Variants in METTL15 observed in about 807,000 individuals in gnomAD.
The protein encoded by METTL15 is 12S rRNA N(4)-cytidine methyltransferase METTL15.
METTL15 carries 34 observed loss-of-function variants against 38.3 expected under a neutral mutation model. That is an observed-to-expected ratio of 0.89 (90% CI 0.68 to 1.18). The LOEUF is 1.18. METTL15 is among the 50% of genes most tolerant of loss of function. METTL15 has a pLI of 0.00. For synonymous variants in METTL15, 162 were observed against 170.9 expected (o/e 0.95, Z 0.41); for missense variants, 438 against 498.4 (o/e 0.88, Z 1.15).
chr11:28,420,648 A>G (rs2133420791), intron 5 of METTL15, among the ~76,000 whole-genome samples: 1 of 152,256 alleles, frequency 6.6e-6, no homozygotes, highest in East Asian at 1.9e-4. Flanking sequence ...TAATAAGAAA[A>G]CTGAAAATTT....
At chr11:28,396,563 A>G (rs571113763) in intron 5 of METTL15, among the ~76,000 whole-genome samples, 1 of 152,328 alleles carries the variant, frequency 6.6e-6, no homozygotes, top group East Asian at 1.9e-4. Flanking sequence ...AAGGAGAACT[A>G]CAAACCACTG....
At chr11:28,111,082 T>A (rs958680239) in intron 2 of METTL15, among the ~76,000 whole-genome samples, 1 of 152,132 alleles carries the variant, frequency 6.6e-6, no homozygotes, top group African/African-American at 2.4e-5. Context: ...TCCATTTTTT[T>A]AGGGAGGTAT....
chr11:28,467,328 G>A (rs1015921822), intron 6 of METTL15, among the ~76,000 whole-genome samples: 3 of 152,110 alleles, frequency 2.0e-5, no homozygotes, highest in African/African-American at 4.8e-5. Flanking sequence ...TTTATTCTCA[G>A]CCTAAACAAG....
intron 3 of METTL15, among the ~76,000 whole-genome samples, chr11:28,144,067 T>C (rs1427346808): frequency 1.3e-5 from 2 of 152,186 alleles, no homozygotes; most frequent in Middle Eastern, 3.2e-3. Flanking sequence ...CAATAGACTC[T>C]AACCTCTGGG....
At chr11:28,351,260 C>T (rs779126400) in intron 3 of METTL15, among the ~76,000 whole-genome samples, 6 of 151,992 alleles carry the variant, frequency 3.9e-5, no homozygotes, top group South Asian at 2.1e-4. Context: ...TACAGGCACG[C>T]GCCACCATGC....
chr11:28,483,608 A>G (rs1350176685), intron 6 of METTL15, among the ~76,000 whole-genome samples: 1 of 152,200 alleles, frequency 6.6e-6, no homozygotes, highest in Non-Finnish European at 1.5e-5. Flanking sequence ...TTTGTGGGCC[A>G]TATAGCCTGT....
At chr11:28,165,950 G>C (rs192302775) in intron 3 of METTL15, among the ~76,000 whole-genome samples, 26 of 152,180 alleles carry the variant, frequency 1.7e-4, no homozygotes, top group African/African-American at 5.8e-4. Context: ...TTTGTCTAAA[G>C]TGTGTGGGTT....
intron 6 of METTL15, among the ~76,000 whole-genome samples, chr11:28,429,277 G>C (rs943126071): frequency 1.3e-5 from 2 of 151,918 alleles, no homozygotes; most frequent in Non-Finnish European, 2.9e-5. Context: ...AATTAAAGAA[G>C]ATCGAAAGTC....
intron 4 of METTL15, among the ~76,000 whole-genome samples, chr11:28,243,009 A>G (rs1262095104): frequency 6.6e-6 from 1 of 151,970 alleles, no homozygotes; most frequent in Admixed American, 6.6e-5. Flanking sequence ...GACCCTATGT[A>G]TTTTTATAAT....
chr11:28,381,877 G>T (rs573323629), intron 5 of METTL15, among the ~76,000 whole-genome samples: 8 of 150,156 alleles, frequency 5.3e-5, no homozygotes, highest in Non-Finnish European at 8.9e-5. Context: ...TCTTTGCTTT[G>T]TCCACTTGGG....
chr11:28,128,958 A>C (rs1393398089), intron 3 of METTL15, among the ~76,000 whole-genome samples: 2 of 152,172 alleles, frequency 1.3e-5, no homozygotes, highest in African/African-American at 4.8e-5. Context: ...AATTTATTCT[A>C]ATGACTCAGA....
intron 5 of METTL15, among the ~76,000 whole-genome samples, chr11:28,404,068 A>G (rs1250519184): frequency 6.6e-6 from 1 of 152,048 alleles, no homozygotes; most frequent in Non-Finnish European, 1.5e-5. Flanking sequence ...AAACCCTAGA[A>G]AACATGAGCA....
At chr11:28,419,363 T>G (rs186341393) in intron 5 of METTL15, among the ~76,000 whole-genome samples, 1 of 152,306 alleles carries the variant, frequency 6.6e-6, no homozygotes. Flanking sequence ...CCTGGTAATC[T>G]ATAAAATTCT....
At chr11:28,497,371 A>C (rs1041176207) in intron 6 of METTL15, among the ~76,000 whole-genome samples, 2 of 152,226 alleles carry the variant, frequency 1.3e-5, no homozygotes, top group Non-Finnish European at 2.9e-5. Context: ...AAAGGAGCTT[A>C]ATTTCCATCT....
intron 5 of METTL15, among the ~76,000 whole-genome samples, chr11:28,382,271 C>G (rs1850394446): frequency 6.6e-6 from 1 of 152,136 alleles, no homozygotes. Context: ...TGTCTTTGGG[C>G]AAGTTACAGA....
At chr11:28,282,058 G>A (rs1489823981) in intron 4 of METTL15, among the ~76,000 whole-genome samples, 7 of 152,202 alleles carry the variant, frequency 4.6e-5, no homozygotes, top group Non-Finnish European at 1.0e-4. Flanking sequence ...AGGGAAGGAA[G>A]GACAATGGTT....
chr11:28,317,798 C>G (rs1442057135), intron 6 of METTL15, among the ~76,000 whole-genome samples: 2 of 152,090 alleles, frequency 1.3e-5, no homozygotes, highest in Non-Finnish European at 2.9e-5. Flanking sequence ...ATGTGAAATT[C>G]TTTGTGAGTC....
At chr11:28,449,825 A>G (rs1328384732) in intron 6 of METTL15, among the ~76,000 whole-genome samples, 1 of 152,170 alleles carries the variant, frequency 6.6e-6, no homozygotes, top group Non-Finnish European at 1.5e-5. Context: ...ATGAAAAGGG[A>G]GAAGAGCCCA....
intron 5 of METTL15, among the ~76,000 whole-genome samples, chr11:28,413,840 G>A (rs958248240): frequency 2.0e-5 from 3 of 152,168 alleles, no homozygotes; most frequent in Non-Finnish European, 4.4e-5. Context: ...CAAATCTCTG[G>A]ATTCTTATTC....
Sources: gnomAD v4.1 joint callset for allele counts (sites outside exome capture counted in the v4.1 genomes callset) on GRCh38, gnomAD v4.1.1 for gene constraint, MANE v1.5 for transcripts, NCBI Gene and HGNC (gene_info 2026-07-23, HGNC 2026-07-21) for gene names.